Variants in MAP4K5 observed in about 807,000 individuals in gnomAD.
MAP4K5 encodes the protein mitogen-activated protein kinase kinase kinase kinase 5.
Under a neutral mutation model 135.6 loss-of-function variants are expected in MAP4K5, and 82 were observed. The observed-to-expected ratio is 0.60, with a 90% CI of 0.51 to 0.73. MAP4K5 has a LOEUF of 0.73. Among genes scored for constraint, MAP4K5 ranks in the 30% least tolerant of loss-of-function variants. The pLI is 0.00. For synonymous variants in MAP4K5, 347 were observed against 335.0 expected, an observed-to-expected ratio of 1.04 and a Z score of -0.39; for missense variants, 907 against 1,010.9, an observed-to-expected ratio of 0.90 and a Z score of 1.39.
At chr14:50,452,568 G>A (rs957335393) in intron 14 of MAP4K5, among the ~76,000 whole-genome samples, 3 of 152,130 alleles carry the variant, frequency 2.0e-5, no homozygotes, top group Non-Finnish European at 4.4e-5. Flanking sequence ...AACAGGTCCA[G>A]GAAGCATTTC....
At chr14:50,441,757 C>T (rs1365649681) in intron 21 of MAP4K5, among the ~76,000 whole-genome samples, 1 of 41,896 alleles carries the variant, frequency 2.4e-5, no homozygotes, top group Non-Finnish European at 5.2e-5. Context: ...CACACACACA[C>T]ACACACACAC....
intron 13 of MAP4K5, among the ~76,000 whole-genome samples, chr14:50,458,519 T>C (rs1036688128): frequency 6.6e-6 from 1 of 152,160 alleles, no homozygotes; most frequent in African/African-American, 2.4e-5. Flanking sequence ...TAGAAAATTA[T>C]CTCTGTTAAA....
chr14:50,497,431 TA>T (rs2037618174), intron 3 of MAP4K5, among the ~76,000 whole-genome samples: 1 of 152,216 alleles, frequency 6.6e-6, no homozygotes. Flanking sequence ...CTTTACAGAA[TA>T]TTTTTAAAAA....
intron 14 of MAP4K5, among the ~76,000 whole-genome samples, chr14:50,454,762 A>T (rs1266944942): frequency 1.3e-5 from 2 of 152,034 alleles, no homozygotes; most frequent in Admixed American, 6.6e-5. Flanking sequence ...CAACTCTCCC[A>T]AAGTAATAAG....
chr14:50,518,193 T>C (rs1566690910), intron 2 of MAP4K5, among the ~76,000 whole-genome samples: 1 of 152,204 alleles, frequency 6.6e-6, no homozygotes, highest in Non-Finnish European at 1.5e-5. Flanking sequence ...TGACCATTTG[T>C]AAAGGACAAG....
intron 25 of MAP4K5, 33 bp from the exon 26 acceptor site, chr14:50,437,567 C>CAGT (rs1595434444): frequency 1.1e-5 from 16 of 1,402,832 alleles, no homozygotes; most frequent in Non-Finnish European, 1.6e-5. Flanking sequence ...ATGCACTCTA[C>CAGT]AGTAGTGGTT....
chr14:50,421,535 T>C (rs1304383335), intron 32 of MAP4K5, among the ~76,000 whole-genome samples: 1 of 151,970 alleles, frequency 6.6e-6, no homozygotes, highest in Non-Finnish European at 1.5e-5. Flanking sequence ...GTTCTGGGAT[T>C]ACAGGCATGA....
At chr14:50,443,089 G>C (rs2036263037) in intron 20 of MAP4K5, among the ~76,000 whole-genome samples, 1 of 152,040 alleles carries the variant, frequency 6.6e-6, no homozygotes, top group Admixed American at 6.6e-5. Flanking sequence ...GGAATTTTAA[G>C]TTACTACTAT....
At position 50,446,098 on chromosome 14, in the gene MAP4K5, G is replaced by T; in HGVS notation, c.1166C>A (p.Pro389Gln). Residue 389 changes from proline (P) to glutamine (Q), a missense_variant, in exon 17 of 33, where the codon CCA (proline) becomes CAA (glutamine). Pro to Gln is a moderately conservative substitution (Grantham distance 76). Coordinates refer to ENST00000682126, the MANE Select transcript of MAP4K5 (RefSeq NM_006575.6). Reference sequence around the variant, plus strand: ...GCTCACCTTAGGAGGTAGGGGAGGTGGTATTGCACGTTTTGAGGTTGATCT... The same window carrying T: ...GCTCACCTTAGGAGGTAGGGGAGGTTGTATTGCACGTTTTGAGGTTGATCT... ...TGKSTSKRAI[P>Q]PPLPPKPRIS... 1 of 1,570,692 alleles carries T rather than the reference G, an allele frequency of 6.4e-7. No homozygotes were observed. The highest frequency in any genetic ancestry group is 8.6e-7 in the Non-Finnish European group (1 of 1,161,128).
intron 5 of MAP4K5, 105 bp from the exon 6 acceptor site, chr14:50,482,521 G>A (rs756262400): frequency 3.0e-4 from 210 of 711,774 alleles, no homozygotes; most frequent in Middle Eastern, 1.2e-3. Flanking sequence ...GCTCACGCCT[G>A]TAATCCCAGC....
At chr14:50,458,245 C>T (rs1396185064) in intron 13 of MAP4K5, among the ~76,000 whole-genome samples, 2 of 152,162 alleles carry the variant, frequency 1.3e-5, no homozygotes, top group African/African-American at 2.4e-5. Flanking sequence ...AATGGAAGAG[C>T]AGTGTTGCTT....
rs188516780 is a variant in MAP4K5, at chr14:50,489,347, C to A, written c.167-3153G>T. On this transcript the variant is annotated intron_variant, in intron 3 of 32. Coordinates refer to ENST00000682126, the MANE Select transcript of MAP4K5 (RefSeq NM_006575.6). ...TGGGGAACAGAGTGAGAGTCTGTCT[C>A]CAAAGAAAAAGGTACTTGCTTAAAG... 3.0e-4 allele frequency among the ~76,000 whole-genome samples: 46 copies of A among 152,182 alleles called. 1 individual carries two copies. The highest frequency in any genetic ancestry group is 1.1e-3 in the African/African-American group (44 of 41,510).
intron 14 of MAP4K5, among the ~76,000 whole-genome samples, chr14:50,455,391 G>T (rs556066596): frequency 1.3e-5 from 2 of 152,036 alleles, no homozygotes; most frequent in South Asian, 4.1e-4. Flanking sequence ...ATAAAATAAA[G>T]AATATGATGT....
intron 1 of MAP4K5, among the ~76,000 whole-genome samples, chr14:50,546,994 C>A (rs998027926): frequency 1.3e-5 from 2 of 152,062 alleles, no homozygotes; most frequent in East Asian, 1.9e-4. Flanking sequence ...CCTAGCCCCC[C>A]ACCCCCCAAC....
At chr14:50,502,446 G>A (rs1183555837) in intron 3 of MAP4K5, among the ~76,000 whole-genome samples, 1 of 152,080 alleles carries the variant, frequency 6.6e-6, no homozygotes, top group Non-Finnish European at 1.5e-5. Flanking sequence ...GACAGTGTAA[G>A]AGGGAAAAAG....
intron 13 of MAP4K5, 65 bp from the exon 14 acceptor site, chr14:50,456,659 TTTC>T (rs1219210915): frequency 1.0e-6 from 1 of 958,370 alleles, no homozygotes; most frequent in Non-Finnish European, 1.5e-6. Flanking sequence ...AAGGTCAAAC[TTTC>T]TTATCATTTA....
chr14:50,437,210 A>C (rs1223906048), intron 26 of MAP4K5, among the ~76,000 whole-genome samples: 1 of 152,164 alleles, frequency 6.6e-6, no homozygotes, highest in East Asian at 1.9e-4. Context: ...TGAAAGTTAG[A>C]ATATTAGCAA....
chr14:50,466,474 AC>A, intron 11 of MAP4K5, 108 bp downstream of exon 11: 1 of 524,246 alleles, frequency 1.9e-6, no homozygotes. Context: ...CTTTGAGAAA[AC>A]TGCTTAATGT....
At chr14:50,509,874 A>G (rs974388761) in intron 2 of MAP4K5, among the ~76,000 whole-genome samples, 3 of 152,208 alleles carry the variant, frequency 2.0e-5, no homozygotes, top group Admixed American at 1.3e-4. Flanking sequence ...ACATCTTTGA[A>G]CATACAGTAT....
Sources: gnomAD v4.1 joint callset for allele counts (sites outside exome capture counted in the v4.1 genomes callset) on GRCh38, gnomAD v4.1.1 for gene constraint, MANE v1.5 for transcripts, NCBI Gene and HGNC (gene_info 2026-07-23, HGNC 2026-07-21) for gene names.